The following ZDBF2 variants were observed in gnomAD, a reference collection of about 807,000 sequenced individuals.
ZDBF2 encodes the protein zinc finger DBF-type containing 2.
In ZDBF2, 6 loss-of-function variants were observed where a neutral mutation model predicts 9.4. That is an observed-to-expected ratio of 0.64 (90% CI 0.35 to 1.27). The LOEUF is 1.27. Among genes scored for constraint, ZDBF2 ranks in the 50% most tolerant of loss-of-function variants. The pLI is 0.03. For synonymous variants in ZDBF2, 905 were observed against 946.3 expected (o/e 0.96, Z 0.80); for missense variants, 2,697 against 2,766.8 (o/e 0.97, Z 0.57).
Position 206,286,256 on chromosome 2 carries a change from T to C in ZDBF2, c.60+4347T>C, listed in dbSNP as rs1051461482. Among the ~76,000 whole-genome samples, 15 of 152,334 alleles carry C rather than the reference T, an allele frequency of 9.8e-5. 2 individuals carry two copies. In the South Asian group the frequency reaches 2.5e-3, roughly 25 times the overall value. The stretch of plus-strand genomic sequence containing the variant: ...CAGTTTAAATCAAGTGTTTCTTTGC[T>C]GATTTTCTATCTAGATGATCTGTCC... On this transcript the variant is annotated intron_variant, in intron 3 of 4. Coordinates refer to ENST00000374423, the MANE Select transcript of ZDBF2 (RefSeq NM_020923.3).
At chr2:206,303,270 A>C (rs1006449970) in intron 4 of ZDBF2, among the ~76,000 whole-genome samples, 1 of 135,858 alleles carries the variant, frequency 7.4e-6, no homozygotes, top group African/African-American at 2.8e-5. Context: ...GATGATACTT[A>C]TCTCTTTGAA....
Position 206,306,184 on chromosome 2 carries a change from AC to A in ZDBF2, c.1661del (p.Pro554GlnfsTer39). ...TCCCACTGCAGTCAGTGGTTGACAG[AC>A]CCCCAGTGGCTGTCACAGAAACAAA... Reference protein sequence around the residue: ...VFPLQSVVDRPPVAVTETKLR... With the variant: ...VFPLQSVVDRXPVAVTETKLR... On this transcript the variant is annotated frameshift_variant, in exon 5 of 5. Coordinates refer to ENST00000374423, the MANE Select transcript of ZDBF2 (RefSeq NM_020923.3). LOFTEE classifies it low-confidence loss of function (END_TRUNC). 6.2e-7 allele frequency: 1 copy of A among 1,613,566 alleles called. No homozygotes were observed. The highest frequency in any genetic ancestry group is 1.1e-5 in the South Asian group (1 of 91,068).
Position 206,311,438 on chromosome 2 carries a change from A to C in ZDBF2, c.6910A>C (p.Arg2304=), listed in dbSNP as rs751074609. The C allele has an allele frequency of 1.9e-6, 3 of 1,611,988 alleles. No individual in the cohort carries two copies. Among genetic ancestry groups the C allele is most frequent in the Non-Finnish European group, 2.5e-6 (3 of 1,179,274 alleles). The change falls in exon 5 of 5, where the codon AGG becomes CGG. Residue 2304 remains arginine (R), a synonymous_variant. Transcript: ENST00000374423. The part of the protein sequence containing the change: ...PVRASCRVAR[R]RKKTDESYHG... ...GCGGGCTTCTTGCCGCGTTGCAAGA[A>C]GGAGGAAGAAGACTGATGAAAGCTA... is the stretch of plus-strand genomic sequence containing the variant.
chr2:206,286,654 G>A (rs548925006), intron 3 of ZDBF2, among the ~76,000 whole-genome samples: 3 of 151,984 alleles, frequency 2.0e-5, no homozygotes, highest in East Asian at 1.9e-4. Flanking sequence ...CCTCAGCCTC[G>A]TTAGTAGCAG....
intron 3 of ZDBF2, among the ~76,000 whole-genome samples, chr2:206,288,298 G>A (rs530604978): frequency 6.6e-6 from 1 of 152,298 alleles, no homozygotes; most frequent in East Asian, 1.9e-4. Context: ...AGATGCAGTG[G>A]TATATAGTCT....
At chr2:206,299,565 G>A (rs958877495) in intron 4 of ZDBF2, among the ~76,000 whole-genome samples, 1 of 151,980 alleles carries the variant, frequency 6.6e-6, no homozygotes, top group Admixed American at 6.5e-5. Flanking sequence ...CCAGCTACTC[G>A]GGAGGCTGAG....
intron 3 of ZDBF2, among the ~76,000 whole-genome samples, chr2:206,282,604 C>G (rs1691382531): frequency 6.6e-6 from 1 of 152,082 alleles, no homozygotes. Flanking sequence ...GATGGGAGAG[C>G]ATCTCAAAGT....
At position 206,306,216 on chromosome 2, in the gene ZDBF2, G is replaced by A. The variant is rs1335319121; in HGVS notation, c.1688G>A (p.Arg563Gln). 5.6e-6 allele frequency: 9 copies of A among 1,613,338 alleles called. No homozygotes were observed. The African/African-American group carries it at 9.3e-5, about 17-fold the overall frequency. The change falls in exon 5 of 5, where the codon CGG (arginine) becomes CAG (glutamine). Residue 563 changes from arginine (R) to glutamine (Q), a missense_variant. Physicochemically the swap from Arg to Gln is conservative, Grantham distance 43 (BLOSUM62 1). Transcript: ENST00000374423. ...PPVAVTETKL[R>Q]KKAHTSLVDN... ...GTGGCTGTCACAGAAACAAAACTTC[G>A]GAAGAAGGCTCATACCAGCTTGGTT...
At chr2:206,282,499 T>C (rs1691376490) in intron 3 of ZDBF2, among the ~76,000 whole-genome samples, 1 of 152,158 alleles carries the variant, frequency 6.6e-6, no homozygotes, top group African/African-American at 2.4e-5. Context: ...CTGCTGGGGA[T>C]TGGGCTTCTA....
chr2:206,279,428 T>G (rs1163876136), intron 1 of ZDBF2, 112 bp from the exon 2 acceptor site: 1 of 152,228 alleles, frequency 6.6e-6, no homozygotes, highest in East Asian at 1.9e-4. Context: ...ATATTTTTTC[T>G]TATATTATTG....
rs544223400 is a variant in ZDBF2 at position 206,296,564 on chromosome 2, C to A, written c.61-682C>A. On this transcript the variant is annotated intron_variant, in intron 3 of 4. Transcript: ENST00000374423. ...AAAACATATATAGGTTTGGTACTAT[C>A]CACCGTTTCAGGCATCCACTGGGGG... Among the ~76,000 whole-genome samples, 4 of 152,312 alleles carry A rather than the reference C, an allele frequency of 2.6e-5. No homozygotes were observed. The East Asian group carries it at 7.7e-4, about 29-fold the overall frequency.
Position 206,309,972 on chromosome 2 carries a change from C to G in ZDBF2, c.5444C>G (p.Pro1815Arg). The G allele has an allele frequency of 6.2e-7, 1 of 1,613,176 alleles. No homozygotes were observed. Reference sequence around the variant, plus strand: ...GTCATAGAGGATAATCCTGATGAACCAGTTCTTGAAGCCTTGCCTCATGTA... The same window carrying G: ...GTCATAGAGGATAATCCTGATGAACGAGTTCTTGAAGCCTTGCCTCATGTA... ...KDVIEDNPDEPVLEALPHVPP... is the reference protein window; with the variant it reads ...KDVIEDNPDERVLEALPHVPP... Residue 1815 changes from proline (P) to arginine (R), a missense_variant, in exon 5 of 5, where the codon CCA (proline) becomes CGA (arginine). This residue lies in a region of ZDBF2 where 1,783 missense variants were observed against 1,776.5 expected (regional missense o/e 1.00). Transcript: ENST00000374423.
Position 206,309,898 on chromosome 2 carries a change from C to T in ZDBF2, c.5370C>T (p.Ser1790=). ...AAAAGAACCATGATTCCCAGTCAAG[C>T]TCTGTTCTCAAGGTTGATTCTGTAA... ...LKEKNHDSQS[S]SVLKVDSVRN... The change falls in exon 5 of 5, where the codon AGC becomes AGT. Residue 1790 remains serine (S), a synonymous_variant. Coordinates refer to ENST00000374423, the MANE Select transcript of ZDBF2 (RefSeq NM_020923.3). 1 of 1,613,918 alleles carries T rather than the reference C, an allele frequency of 6.2e-7. No homozygotes were observed. Among genetic ancestry groups the T allele is most frequent in the South Asian group, 1.1e-5 (1 of 91,066 alleles).
chr2:206,282,036 C>T, intron 3 of ZDBF2, 127 bp downstream of exon 3: 2 of 850,194 alleles, frequency 2.4e-6, no homozygotes, highest in African/African-American at 1.7e-5. Flanking sequence ...TTGGCAGACA[C>T]TGTTTAAGGT....
intron 1 of ZDBF2, among the ~76,000 whole-genome samples, chr2:206,278,824 G>A (rs898607190): frequency 6.6e-6 from 1 of 152,088 alleles, no homozygotes; most frequent in African/African-American, 2.4e-5. Context: ...TTTTGCTGAG[G>A]CATTTCTTAG....
chr2:206,308,180 G>A lies in ZDBF2; in HGVS notation c.3652G>A (p.Val1218Ile), dbSNP rs376587058. The A allele has an allele frequency of 1.8e-5, 29 of 1,613,728 alleles. No individual in the cohort carries two copies. The highest frequency in any genetic ancestry group is 1.3e-4 in the Admixed American group (8 of 59,976). ...QSVADRLRET[V>I]KEISLWKDEE... ...AGTGGCTGACCGGCTGAGAGAAACC[G>A]TTAAAGAAATAAGCCTTTGGAAGGA... Residue 1218 changes from valine (V) to isoleucine (I), a missense_variant, in exon 5 of 5, where the codon GTT becomes ATT. By Grantham distance (29) the Val-to-Ile change is conservative. This residue lies in a region of ZDBF2 where 1,783 missense variants were observed against 1,776.5 expected (regional missense o/e 1.00). Coordinates refer to ENST00000374423, the MANE Select transcript of ZDBF2 (RefSeq NM_020923.3).
Position 206,281,826 on chromosome 2 carries a change from T to C in ZDBF2, c.-24T>C. ...CTTGAGTATTCAAAGACAGTAGCCA[T>C]CTGACTTCAGTTATTTATTCAAGAT... On this transcript the variant is annotated 5_prime_UTR_variant, in exon 3 of 5. Transcript: ENST00000374423. 6.2e-7 allele frequency: 1 copy of C among 1,610,922 alleles called. No homozygotes were observed. Among genetic ancestry groups the C allele is most frequent in the Non-Finnish European group, 8.5e-7 (1 of 1,178,466 alleles).
chr2:206,286,519 G>A (rs1691606880), intron 3 of ZDBF2, among the ~76,000 whole-genome samples: 1 of 151,510 alleles, frequency 6.6e-6, no homozygotes, highest in Non-Finnish European at 1.5e-5. Context: ...CCAGTGCATG[G>A]AATATCTTTT....
rs1314456324 is a variant in ZDBF2, at chr2:206,312,144, A to T, written c.*551A>T. The T allele has an allele frequency of 1.3e-5, 2 of 152,120 alleles. No individual in the cohort carries two copies. The highest frequency in any genetic ancestry group is 4.8e-5 in the African/African-American group (2 of 41,422). The allele number at this position is 152,120 out of a possible 1,614,324, so 9.4% of individuals were successfully genotyped here. A position where few individuals can be genotyped will look rare whatever the true frequency, so the allele number is the denominator to read the frequency against. The stretch of plus-strand genomic sequence containing the variant: ...GCATAGCACAAACTCCTCCTGCTTC[A>T]TTTAAATTGGATCTGCAAGTCTCTA... On this transcript the variant is annotated 3_prime_UTR_variant, in exon 5 of 5. Coordinates refer to ENST00000374423, the MANE Select transcript of ZDBF2 (RefSeq NM_020923.3).
Sources: allele counts gnomAD v4.1 joint callset (sites outside exome capture counted in the v4.1 genomes callset), GRCh38; gene constraint gnomAD v4.1.1; regional missense constraint gnomAD v4.1.1; transcripts MANE v1.5; gene names NCBI Gene and HGNC (gene_info 2026-07-23, HGNC 2026-07-21).